Variants in RFTN2 observed in about 807,000 individuals in gnomAD.
RFTN2 encodes the protein raftlin family member 2, also known as raftlin-2.
A neutral mutation model predicts 52.7 loss-of-function variants in RFTN2; 34 were observed. That is an observed-to-expected ratio of 0.64 (90% CI 0.49 to 0.86). RFTN2 has a LOEUF of 0.86. Ranked by LOEUF, RFTN2 falls within the 40% of genes least tolerant of loss-of-function variation. RFTN2 has a pLI of 0.00. For synonymous variants in RFTN2, 203 were observed against 217.7 expected (o/e 0.93, Z 0.59); for missense variants, 536 against 600.1 (o/e 0.89, Z 1.12).
rs1356661343 is a variant in RFTN2, at chr2:197,619,898, A to C, written c.929-1977T>G. ...TTTTTTTTTACTTCACTGAATTAAAATCCAACTATACATATAAAAACTACA... is the reference window on the plus strand; with the variant it reads ...TTTTTTTTTACTTCACTGAATTAAACTCCAACTATACATATAAAAACTACA... On this transcript the variant is annotated intron_variant, in intron 5 of 8. Transcript: ENST00000295049. 4.0e-5 allele frequency among the ~76,000 whole-genome samples: 6 copies of C among 150,328 alleles called. No individual in the cohort carries two copies. In the South Asian group the frequency reaches 1.3e-3, roughly 31 times the overall value.
chr2:197,582,864 A>T (rs1020714717), intron 8 of RFTN2, among the ~76,000 whole-genome samples: 13 of 152,176 alleles, frequency 8.5e-5, no homozygotes, highest in African/African-American at 2.9e-4. Context: ...GCTTATGCTG[A>T]TAAGGTAGTT....
intron 3 of RFTN2, among the ~76,000 whole-genome samples, chr2:197,636,136 C>A (rs532231548): frequency 2.1e-4 from 32 of 151,960 alleles, no homozygotes; most frequent in Admixed American, 7.9e-4. Context: ...GTTTTGGTTA[C>A]TGTAGCCTTG....
At chr2:197,663,869 T>C (rs187661865) in intron 1 of RFTN2, among the ~76,000 whole-genome samples, 42 of 152,288 alleles carry the variant, frequency 2.8e-4, no homozygotes, top group Middle Eastern at 3.4e-3. Context: ...GCTTTTCTAG[T>C]TCTTTCAGGT....
intron 8 of RFTN2, among the ~76,000 whole-genome samples, chr2:197,579,972 T>A (rs1487405396): frequency 6.6e-6 from 1 of 152,174 alleles, no homozygotes; most frequent in Non-Finnish European, 1.5e-5. Flanking sequence ...TAGTCAAGGT[T>A]AATGCTCCTT....
At chr2:197,638,342 T>G (rs2088604267) in intron 3 of RFTN2, among the ~76,000 whole-genome samples, 1 of 103,192 alleles carries the variant, frequency 9.7e-6, no homozygotes, top group Non-Finnish European at 2.1e-5. Flanking sequence ...AGTGGGGTGT[T>G]AAAGTCTCCC....
chr2:197,572,054 C>T lies in RFTN2; in HGVS notation c.1460G>A (p.Gly487Glu). 3.1e-6 allele frequency: 5 copies of T among 1,614,234 alleles called. No homozygotes were observed. Among genetic ancestry groups the T allele is most frequent in the Non-Finnish European group, 4.2e-6 (5 of 1,180,038 alleles). ...SDNVLRELDD[G>E]QFDQEDGVTQ... ...CACTCCATCTTCCTGATCAAACTGT[C>T]CGTCGTCTAATTCCCGGAGGACGTT... The change falls in exon 9 of 9, where the codon GGA becomes GAA. Residue 487 changes from glycine (G) to glutamate (E), a missense_variant. Physicochemically the swap from Gly to Glu is moderately conservative, Grantham distance 98. Transcript: ENST00000295049.
chr2:197,605,276 C>T (rs927539505), intron 7 of RFTN2, among the ~76,000 whole-genome samples: 5 of 151,272 alleles, frequency 3.3e-5, no homozygotes, highest in Non-Finnish European at 2.9e-5. Flanking sequence ...CTAGAGTGCA[C>T]GCAATCTCGG....
chr2:197,664,171 C>T (rs1574753324), intron 1 of RFTN2, among the ~76,000 whole-genome samples: 2 of 151,934 alleles, frequency 1.3e-5, no homozygotes, highest in African/African-American at 4.8e-5. Context: ...TGATATGATT[C>T]CATTTTTAAA....
At chr2:197,613,969 A>C (rs1340456107) in intron 7 of RFTN2, among the ~76,000 whole-genome samples, 1 of 152,228 alleles carries the variant, frequency 6.6e-6, no homozygotes, top group Non-Finnish European at 1.5e-5. Flanking sequence ...GCTGCCCTCT[A>C]ATCTCTTTAG....
intron 1 of RFTN2, among the ~76,000 whole-genome samples, chr2:197,648,576 C>G (rs1395664581): frequency 1.3e-5 from 2 of 152,124 alleles, no homozygotes; most frequent in Non-Finnish European, 2.9e-5. Context: ...ACTCTTAACA[C>G]TAAGGAATGA....
chr2:197,666,090 C>CTT (rs749441744), intron 1 of RFTN2, among the ~76,000 whole-genome samples: 2 of 145,608 alleles, frequency 1.4e-5, no homozygotes, highest in Non-Finnish European at 3.0e-5. Context: ...GTTTCTTCTT[C>CTT]TTTTTTTTTT....
At position 197,568,268 on chromosome 2, in the gene RFTN2, A is replaced by G. The variant is rs1318673265; in HGVS notation, c.*3740T>C. ...ATTCATTTATTCCATTGATTTAATT[A>G]CTTGGTATTTTTACATACAAAAATT... On this transcript the variant is annotated 3_prime_UTR_variant, in exon 9 of 9. Transcript: ENST00000295049. 6.6e-6 allele frequency: 1 copy of G among 152,246 alleles called. No homozygotes were observed. Among genetic ancestry groups the G allele is most frequent in the East Asian group, 1.9e-4 (1 of 5,202 alleles). The allele number at this position is 152,246 out of a possible 1,614,324, so 9.4% of individuals were successfully genotyped here.
At chr2:197,620,881 G>A (rs185587737) in intron 5 of RFTN2, among the ~76,000 whole-genome samples, 279 of 152,282 alleles carry the variant, frequency 1.8e-3, no homozygotes, top group African/African-American at 6.4e-3. Context: ...CAGGAGAATC[G>A]CTTGAACCCG....
intron 1 of RFTN2, among the ~76,000 whole-genome samples, chr2:197,647,880 G>C (rs1038186372): frequency 8.5e-5 from 13 of 152,194 alleles, no homozygotes. Context: ...AAGGAAAAGA[G>C]TGTGTTATTT....
intron 6 of RFTN2, among the ~76,000 whole-genome samples, chr2:197,616,884 G>C (rs539936882): frequency 6.6e-6 from 1 of 152,110 alleles, no homozygotes; most frequent in Non-Finnish European, 1.5e-5. Flanking sequence ...CCTGTGTAAG[G>C]TCAGAAAGGT....
At chr2:197,601,476 T>C (rs1182149870) in intron 7 of RFTN2, among the ~76,000 whole-genome samples, 1 of 152,186 alleles carries the variant, frequency 6.6e-6, no homozygotes, top group Non-Finnish European at 1.5e-5. Context: ...CTCTATTTTA[T>C]GGATAGGGAA....
intron 1 of RFTN2, among the ~76,000 whole-genome samples, chr2:197,648,641 G>T (rs1320920207): frequency 6.6e-6 from 1 of 152,162 alleles, no homozygotes; most frequent in Non-Finnish European, 1.5e-5. Context: ...AAAATTTAAA[G>T]AAAATTGTTT....
At chr2:197,577,413 A>C (rs2087436686) in intron 8 of RFTN2, among the ~76,000 whole-genome samples, 1 of 152,218 alleles carries the variant, frequency 6.6e-6, no homozygotes, top group Non-Finnish European at 1.5e-5. Flanking sequence ...GCATTCATCA[A>C]ATGCAAATAT....
chr2:197,628,052 C>T (rs925220424), intron 5 of RFTN2, among the ~76,000 whole-genome samples: 4 of 152,064 alleles, frequency 2.6e-5, no homozygotes, highest in African/African-American at 7.2e-5. Flanking sequence ...TATGCATTGT[C>T]TGCCCCCACC....
Sources: gnomAD v4.1 joint callset for allele counts (sites outside exome capture counted in the v4.1 genomes callset) on GRCh38, gnomAD v4.1.1 for gene constraint, MANE v1.5 for transcripts, NCBI Gene and HGNC (gene_info 2026-07-23, HGNC 2026-07-21) for gene names.